Variants in KALRN observed in about 807,000 individuals in gnomAD.
KALRN encodes kalirin RhoGEF kinase.
A neutral mutation model predicts 353.7 loss-of-function variants in KALRN; 70 were observed. That is an observed-to-expected ratio of 0.20 (90% CI 0.16 to 0.24). The LOEUF (loss-of-function observed/expected upper bound fraction) is 0.24, where lower values mean the gene tolerates loss of function less well. Among genes scored for constraint, KALRN ranks in the 10% least tolerant of loss-of-function variants. The pLI is 1.00. For synonymous variants in KALRN, 1,391 were observed against 1,434.8 expected (o/e 0.97, Z 0.69); for missense variants, 2,791 against 3,756.7 (o/e 0.74, Z 6.72).
At chr3:124,451,071 CATT>C (rs1389075418) in intron 21 of KALRN, among the ~76,000 whole-genome samples, 5 of 151,900 alleles carry the variant, frequency 3.3e-5, no homozygotes, top group Non-Finnish European at 7.4e-5. Context: ...ATTATTATCT[CATT>C]ATAAGGAATA....
At chr3:124,318,839 T>C (rs1463931549) in intron 6 of KALRN, among the ~76,000 whole-genome samples, 1 of 152,188 alleles carries the variant, frequency 6.6e-6, no homozygotes, top group Non-Finnish European at 1.5e-5. Flanking sequence ...TCTAGTCTCA[T>C]TCTTCCTCTT....
intron 33 of KALRN, among the ~76,000 whole-genome samples, chr3:124,506,956 A>C (rs1482204811): frequency 1.3e-5 from 2 of 152,222 alleles, no homozygotes; most frequent in African/African-American, 4.8e-5. Context: ...GCCAGGCACT[A>C]TTGTAGACAC....
intron 1 of KALRN, among the ~76,000 whole-genome samples, chr3:124,155,481 C>G (rs1472726444): frequency 1.3e-5 from 2 of 152,186 alleles, no homozygotes; most frequent in Non-Finnish European, 2.9e-5. Flanking sequence ...AAGGCCAGGA[C>G]AGGATCAGAG....
intron 23 of KALRN, 36 bp from the exon 24 acceptor site, chr3:124,461,854 C>G (rs369317790): frequency 1.3e-6 from 2 of 1,484,784 alleles, no homozygotes; most frequent in Non-Finnish European, 1.9e-6. Flanking sequence ...GACATTATAT[C>G]TATATCCAAG....
intron 27 of KALRN, among the ~76,000 whole-genome samples, chr3:124,481,485 G>T (rs2061980059): frequency 1.3e-5 from 2 of 152,210 alleles, no homozygotes; most frequent in African/African-American, 4.8e-5. Context: ...GGGATTACAG[G>T]CGTGAGCCAC....
chr3:124,349,570 C>T (rs2082631443), intron 10 of KALRN, among the ~76,000 whole-genome samples: 1 of 152,108 alleles, frequency 6.6e-6, no homozygotes, highest in Non-Finnish European at 1.5e-5. Context: ...TAATTGATAA[C>T]AGAGTTTCAG....
intron 9 of KALRN, among the ~76,000 whole-genome samples, chr3:124,344,725 G>A (rs2082102373): frequency 6.6e-6 from 1 of 152,096 alleles, no homozygotes; most frequent in Admixed American, 6.5e-5. Flanking sequence ...ACTAAATGAT[G>A]GCACCAGAGC....
chr3:124,368,365 G>T (rs1212654185), intron 10 of KALRN, among the ~76,000 whole-genome samples: 2 of 145,250 alleles, frequency 1.4e-5, no homozygotes, highest in Admixed American at 6.7e-5. Flanking sequence ...GGGCAGAGAC[G>T]CTCCTCACCT....
chr3:124,379,562 A>C (rs1472852193), intron 10 of KALRN, among the ~76,000 whole-genome samples: 1 of 152,250 alleles, frequency 6.6e-6, no homozygotes, highest in Non-Finnish European at 1.5e-5. Flanking sequence ...TGTACTAGGC[A>C]GGACCAGAGC....
intron 5 of KALRN, among the ~76,000 whole-genome samples, chr3:124,293,767 C>G (rs1396051354): frequency 6.6e-6 from 1 of 152,114 alleles, no homozygotes; most frequent in Admixed American, 6.5e-5. Flanking sequence ...TGTTATATTA[C>G]ACTTTGCTGA....
chr3:124,518,740 G>C (rs1337370541), intron 33 of KALRN: 3 of 1,381,462 alleles, frequency 2.2e-6, no homozygotes, highest in Non-Finnish European at 1.9e-6. Flanking sequence ...GGACCTGTGA[G>C]AGGCCCAATG....
At chr3:124,136,588 T>A (rs768521832) in intron 1 of KALRN, among the ~76,000 whole-genome samples, 11 of 152,094 alleles carry the variant, frequency 7.2e-5, no homozygotes, top group East Asian at 1.9e-4. Flanking sequence ...GAGGTGGGCC[T>A]GCCTGTCTAC....
At chr3:124,706,903 T>C (rs989907915) in intron 57 of KALRN, among the ~76,000 whole-genome samples, 1 of 151,870 alleles carries the variant, frequency 6.6e-6, no homozygotes, top group South Asian at 2.1e-4. Context: ...ACTTTCAAAA[T>C]GAGCCAACTC....
At chr3:124,497,470 A>T (rs1055975324) in intron 33 of KALRN, among the ~76,000 whole-genome samples, 1 of 152,120 alleles carries the variant, frequency 6.6e-6, no homozygotes, top group Non-Finnish European at 1.5e-5. Context: ...AAAAAAAACC[A>T]TTGAGACCTT....
At chr3:124,627,724 G>A (rs1490721715) in intron 34 of KALRN, among the ~76,000 whole-genome samples, 1 of 152,214 alleles carries the variant, frequency 6.6e-6, no homozygotes, top group Non-Finnish European at 1.5e-5. Context: ...GTGTTCTGAA[G>A]ATGTTTATCA....
chr3:124,361,292 T>C (rs2084007594), intron 10 of KALRN, among the ~76,000 whole-genome samples: 1 of 152,210 alleles, frequency 6.6e-6, no homozygotes, highest in Admixed American at 6.5e-5. Flanking sequence ...AAGTTACATA[T>C]TTTTCAATGT....
chr3:124,265,271 A>G (rs1248679379), intron 4 of KALRN, among the ~76,000 whole-genome samples: 2 of 126,948 alleles, frequency 1.6e-5, no homozygotes, highest in African/African-American at 6.0e-5. Flanking sequence ...GTATTTCTGT[A>G]TCTAGTAACT....
chr3:124,444,744 G>A (rs1225596882), intron 19 of KALRN, among the ~76,000 whole-genome samples: 1 of 147,948 alleles, frequency 6.8e-6, no homozygotes, highest in Non-Finnish European at 1.5e-5. Flanking sequence ...GGAGGTTGAG[G>A]CTGCAATGAG....
chr3:124,706,643 C>T (rs2062629177), intron 57 of KALRN, among the ~76,000 whole-genome samples: 2 of 151,710 alleles, frequency 1.3e-5, no homozygotes, highest in Admixed American at 6.6e-5. Context: ...AGTCTTGGCT[C>T]ACTGCAACAT....
Sources: allele counts gnomAD v4.1 joint callset (sites outside exome capture counted in the v4.1 genomes callset), GRCh38; gene constraint gnomAD v4.1.1; transcripts MANE v1.5; gene names NCBI Gene and HGNC (gene_info 2026-07-23, HGNC 2026-07-21).